MAST4: variants seen among roughly 807,000 people sequenced by gnomAD.
MAST4 encodes the protein microtubule-associated serine/threonine-protein kinase 4.
In MAST4, 89 loss-of-function variants were observed where a neutral mutation model predicts 162.7. That is an observed-to-expected ratio of 0.55 (90% CI 0.46 to 0.65). The LOEUF is 0.65. Ranked by LOEUF, MAST4 falls within the 30% of genes least tolerant of loss-of-function variation. The pLI is 0.00. For synonymous variants in MAST4, 1,479 were observed against 1,361.1 expected, an observed-to-expected ratio of 1.09 and a Z score of -1.91; for missense variants, 3,153 against 3,374.0, an observed-to-expected ratio of 0.93 and a Z score of 1.62.
intron 2 of MAST4, among the ~76,000 whole-genome samples, chr5:66,761,617 G>A (rs1753854198): frequency 6.6e-6 from 1 of 151,286 alleles, no homozygotes; most frequent in Non-Finnish European, 1.5e-5. Context: ...GAAATTTCTG[G>A]GAACAGAAGT....
intron 1 of MAST4, among the ~76,000 whole-genome samples, chr5:66,743,804 C>T (rs168912): frequency 0.21 from 31,210 of 152,040 alleles, 3,713 homozygotes; most frequent in South Asian, 0.35. Context: ...ATTTTTTTCT[C>T]GTGGATTATA....
At chr5:66,600,531 T>C (rs1259804212) in intron 1 of MAST4, among the ~76,000 whole-genome samples, 1 of 152,254 alleles carries the variant, frequency 6.6e-6, no homozygotes, top group African/African-American at 2.4e-5. Context: ...ATGGTACAGT[T>C]AATATATTAG....
intron 4 of MAST4, among the ~76,000 whole-genome samples, chr5:66,903,233 A>G (rs1374673919): frequency 1.3e-5 from 2 of 152,194 alleles, no homozygotes; most frequent in Admixed American, 6.6e-5. Flanking sequence ...AGGCCTCTGC[A>G]AGGAGTTTCA....
At chr5:66,956,290 A>G (rs1745306879) in intron 4 of MAST4, among the ~76,000 whole-genome samples, 1 of 152,176 alleles carries the variant, frequency 6.6e-6, no homozygotes, top group Non-Finnish European at 1.5e-5. Context: ...ATTTCGATGT[A>G]GAGGCTTAGT....
chr5:66,743,855 A>G (rs1201231058), intron 1 of MAST4, among the ~76,000 whole-genome samples: 4 of 152,106 alleles, frequency 2.6e-5, no homozygotes, highest in Non-Finnish European at 4.4e-5. Flanking sequence ...ACAATTGCAT[A>G]TTATGTATTG....
chr5:66,673,523 G>GTTTTTT lies in MAST4; in HGVS notation c.363+76506_363+76511dup, dbSNP rs1208217801. Among the ~76,000 whole-genome samples the GTTTTTT allele has an allele frequency of 1.6e-4, 21 of 131,320 alleles. 1 individual carries two copies. Among genetic ancestry groups the GTTTTTT allele is most frequent in the South Asian group, 2.6e-4 (1 of 3,888 alleles). 86.2% of individuals were successfully genotyped at this position (131,320 alleles called of 152,430 possible). A position where few individuals can be genotyped will look rare whatever the true frequency, so the allele number is the denominator to read the frequency against. On this transcript the variant is annotated intron_variant, in intron 1 of 28. Transcript: ENST00000403625. ...AATACGCTAGTTTTTTTTGTTTTTTGTTTTTTGTTTTTTTTTTTTTTGAGA... is the reference window on the plus strand; with the variant it reads ...AATACGCTAGTTTTTTTTGTTTTTTGTTTTTTTTTTTTGTTTTTTTTTTTTTTGAGA...
intron 6 of MAST4, chr5:67,094,110 C>T: frequency 1.5e-6 from 2 of 1,335,558 alleles, no homozygotes; most frequent in South Asian, 1.6e-5. Flanking sequence ...TACTTTGCTT[C>T]TTTTTTTTAA....
In MAST4 at chr5:66,843,043, A is replaced by G. The variant is rs562138620; in HGVS notation, c.642+54249A>G. ...CTCCTCCGTGTGTCTGTATATATAC[A>G]TTTACATATACACCTTTGCCAATGC... On this transcript the variant is annotated intron_variant, in intron 3 of 28. Transcript: ENST00000403625. 3.0e-4 allele frequency among the ~76,000 whole-genome samples: 46 copies of G among 152,282 alleles called. 1 individual carries two copies. In the South Asian group the frequency reaches 9.3e-3, roughly 31 times the overall value.
At chr5:66,602,287 A>G (rs970125952) in intron 1 of MAST4, among the ~76,000 whole-genome samples, 1 of 152,172 alleles carries the variant, frequency 6.6e-6, no homozygotes. Flanking sequence ...CTCTGTTGAC[A>G]GGAAGTGTGG....
intron 1 of MAST4, among the ~76,000 whole-genome samples, chr5:66,651,369 CT>C (rs1349223931): frequency 6.6e-6 from 1 of 152,012 alleles, no homozygotes; most frequent in African/African-American, 2.4e-5. Flanking sequence ...ACTTTTCCCC[CT>C]GAGGACCTTC....
At chr5:67,011,795 A>G (rs1402322327) in intron 4 of MAST4, among the ~76,000 whole-genome samples, 1 of 152,210 alleles carries the variant, frequency 6.6e-6, no homozygotes, top group South Asian at 2.1e-4. Flanking sequence ...TTACAGTAGG[A>G]GATCACAGAC....
At chr5:67,003,930 A>G (rs1301482356) in intron 4 of MAST4, 1 of 152,200 alleles carries the variant, frequency 6.6e-6, no homozygotes, top group Non-Finnish European at 1.5e-5. Flanking sequence ...AATTTAGTTT[A>G]CTGAGGTTTT....
intron 4 of MAST4, among the ~76,000 whole-genome samples, chr5:67,053,997 C>A (rs527750708): frequency 6.6e-6 from 1 of 152,154 alleles, no homozygotes; most frequent in Non-Finnish European, 1.5e-5. Context: ...TTAATTAGTG[C>A]GTCATTATAA....
chr5:67,021,968 TTC>T (rs1754039506), intron 4 of MAST4, among the ~76,000 whole-genome samples: 1 of 152,226 alleles, frequency 6.6e-6, no homozygotes, highest in African/African-American at 2.4e-5. Flanking sequence ...TTCTCCTTGA[TTC>T]TCTCTGTCCC....
At chr5:67,126,110 ATTTG>A (rs1418812109) in intron 14 of MAST4, among the ~76,000 whole-genome samples, 2 of 152,006 alleles carry the variant, frequency 1.3e-5, no homozygotes, top group South Asian at 2.1e-4. Context: ...TTTCTTGTAA[ATTTG>A]TTTAAGTTCT....
At chr5:67,147,161 TTCTCTC>T (rs768604496) in intron 23 of MAST4, among the ~76,000 whole-genome samples, 2 of 150,222 alleles carry the variant, frequency 1.3e-5, no homozygotes, top group Non-Finnish European at 3.0e-5. Flanking sequence ...CACACCATCT[TTCTCTC>T]TCTCTCTCTC....
intron 4 of MAST4, among the ~76,000 whole-genome samples, chr5:67,040,172 A>T (rs113285385): frequency 1.8e-3 from 269 of 152,270 alleles, no homozygotes; most frequent in African/African-American, 6.3e-3. Context: ...TTGAACACTG[A>T]GAGTGAGTTA....
intron 4 of MAST4, among the ~76,000 whole-genome samples, chr5:67,049,023 G>GTATA (rs10598203): frequency 4.1e-4 from 35 of 85,660 alleles, no homozygotes; most frequent in East Asian, 1.6e-3. Context: ...ATATATATAC[G>GTATA]TATATATATA....
At chr5:67,151,470 C>T (rs774056895) in intron 24 of MAST4, among the ~76,000 whole-genome samples, 3 of 152,158 alleles carry the variant, frequency 2.0e-5, no homozygotes, top group Non-Finnish European at 4.4e-5. Context: ...AAAACCATTA[C>T]CTTGGGGGTT....
Sources: gnomAD v4.1 joint callset for allele counts (sites outside exome capture counted in the v4.1 genomes callset) on GRCh38, gnomAD v4.1.1 for gene constraint, MANE v1.5 for transcripts, NCBI Gene and HGNC (gene_info 2026-07-23, HGNC 2026-07-21) for gene names.